COQ8A: variants seen among roughly 807,000 people sequenced by gnomAD.
COQ8A encodes the protein atypical kinase COQ8A, mitochondrial.
Under a neutral mutation model 65.0 loss-of-function variants are expected in COQ8A, and 51 were observed. The observed-to-expected ratio is 0.78, with a 90% confidence interval of 0.63 to 0.99. COQ8A has a LOEUF of 0.99. COQ8A is among the 50% of genes least tolerant of loss of function. COQ8A has a pLI of 0.00. For synonymous variants in COQ8A, 371 were observed against 353.2 expected, an observed-to-expected ratio of 1.05 and a Z score of -0.57; for missense variants, 940 against 875.0, an observed-to-expected ratio of 1.07 and a Z score of -0.94.
At chr1:226,980,143 C>T (rs1475570611) in intron 5 of COQ8A, among the ~76,000 whole-genome samples, 2 of 152,222 alleles carry the variant, frequency 1.3e-5, no homozygotes, top group African/African-American at 4.8e-5. Flanking sequence ...CTGGCACCCT[C>T]TGGACTGGAG....
chr1:226,951,788 A>C (rs1332635072), intron 1 of COQ8A, among the ~76,000 whole-genome samples: 1 of 152,164 alleles, frequency 6.6e-6, no homozygotes, highest in Non-Finnish European at 1.5e-5. Flanking sequence ...AGAAAAAAAA[A>C]AGAAAGCAGC....
At chr1:226,968,140 T>A (rs1452939209) in intron 4 of COQ8A, among the ~76,000 whole-genome samples, 1 of 152,160 alleles carries the variant, frequency 6.6e-6, no homozygotes, top group Non-Finnish European at 1.5e-5. Flanking sequence ...GAGACCAGCC[T>A]GGCCAACATG....
intron 5 of COQ8A, among the ~76,000 whole-genome samples, chr1:226,981,732 G>A (rs1202919365): frequency 6.6e-6 from 1 of 152,164 alleles, no homozygotes; most frequent in African/African-American, 2.4e-5. Context: ...GCCCTGTCAC[G>A]GCCCGCCAGG....
At position 226,982,957 on chromosome 1, in the gene COQ8A, C is replaced by T. The variant is rs1487879565; in HGVS notation, c.1003C>T (p.Pro335Ser). Residue 335 changes from proline (P) to serine (S), a missense_variant, in exon 8 of 15, where the codon CCC (proline) becomes TCC (serine). Coordinates refer to ENST00000366777, the MANE Select transcript of COQ8A (RefSeq NM_020247.5). ...RDKLEYFEER[P>S]FAAASIGQVH... Reference sequence around the variant, plus strand: ...CAAGTTGGAATACTTCGAGGAGCGGCCCTTCGCCGCCGCATCCATTGGGCA... The same window carrying T: ...CAAGTTGGAATACTTCGAGGAGCGGTCCTTCGCCGCCGCATCCATTGGGCA... 3 of 1,605,270 alleles carry T rather than the reference C, an allele frequency of 1.9e-6. No homozygotes were observed. The highest frequency in any genetic ancestry group is 1.7e-5 in the Admixed American group (1 of 59,134).
chr1:226,986,407 G>A, intron 14 of COQ8A, 46 bp from the exon 15 acceptor site: 7 of 1,602,264 alleles, frequency 4.4e-6, no homozygotes, highest in Non-Finnish European at 5.9e-6. Flanking sequence ...GGCTGGTGGA[G>A]GGCTCTGGTG....
chr1:226,955,023 G>T (rs1404169861), intron 1 of COQ8A, among the ~76,000 whole-genome samples: 1 of 152,148 alleles, frequency 6.6e-6, no homozygotes. Flanking sequence ...AGCCTCTCTG[G>T]TTCCAGGAGT....
At chr1:226,947,922 C>G (rs1383788092) in intron 1 of COQ8A, among the ~76,000 whole-genome samples, 1 of 152,068 alleles carries the variant, frequency 6.6e-6, no homozygotes, top group East Asian at 1.9e-4. Context: ...AGTCTACCAC[C>G]CAGCTTGGTG....
Position 226,986,506 on chromosome 1 carries a change from C to T in COQ8A, c.1713C>T (p.Ala571=), listed in dbSNP as rs886046069. The change falls in exon 15 of 15, where the codon GCC becomes GCT. Residue 571 remains alanine, a synonymous_variant. Transcript: ENST00000366777. ...TCCTCATCCTGGGGGAGGCCTTCGCCTCTGATGAGCCTTTTGATTTTGGCA... is the reference window on the plus strand; with the variant it reads ...TCCTCATCCTGGGGGAGGCCTTCGCTTCTGATGAGCCTTTTGATTTTGGCA... ...DAILILGEAF[A]SDEPFDFGTQ... 1.9e-6 allele frequency: 3 copies of T among 1,613,654 alleles called. No homozygotes were observed. The highest frequency in any genetic ancestry group is 2.5e-6 in the Non-Finnish European group (3 of 1,180,022).
intron 4 of COQ8A, 114 bp from the exon 5 acceptor site, chr1:226,977,335 A>G (rs1248235880): frequency 3.2e-6 from 3 of 939,630 alleles, no homozygotes; most frequent in African/African-American, 3.3e-5. Context: ...TGTGGCAGCG[A>G]GGGCCCCTGG....
chr1:226,986,466 C>T lies in COQ8A; in HGVS notation c.1673C>T (p.Ala558Val), dbSNP rs748619465. Residue 558 changes from alanine to valine, a missense_variant, in exon 15 of 15, where the codon GCC becomes GTC. Transcript: ENST00000366777. The stretch of plus-strand genomic sequence containing the variant: ...CTCTTGCCCCAGGTCATGGAAGACG[C>T]CCACTTGGATGCCATCCTCATCCTG... ...TGYEVKVMED[A>V]HLDAILILGE... is the part of the protein sequence containing the mutation. 6.2e-7 allele frequency: 1 copy of T among 1,612,718 alleles called. No homozygotes were observed. The highest frequency in any genetic ancestry group is 1.1e-5 in the South Asian group (1 of 91,078).
intron 2 of COQ8A, among the ~76,000 whole-genome samples, chr1:226,963,538 C>T (rs1658380042): frequency 1.3e-5 from 2 of 152,208 alleles, no homozygotes; most frequent in Admixed American, 1.3e-4. Flanking sequence ...GAGGGCCCTG[C>T]CCAGGCTCCC....
rs36006006 is a variant in COQ8A at position 226,982,965 on chromosome 1, C to G, written c.1011C>G (p.Ala337=). Residue 337 remains alanine, a synonymous_variant, in exon 8 of 15, where the codon GCC becomes GCG. Transcript: ENST00000366777. ...AATACTTCGAGGAGCGGCCCTTCGC[C>G]GCCGCATCCATTGGGCAGGTGCACT... ...KLEYFEERPF[A]AASIGQVHLA... is the part of the protein sequence containing the mutation. 10 of 1,605,032 alleles carry G rather than the reference C, an allele frequency of 6.2e-6. No homozygotes were observed. The highest frequency in any genetic ancestry group is 8.5e-6 in the Non-Finnish European group (10 of 1,176,386).
At chr1:226,947,439 G>T (rs1301462048) in intron 1 of COQ8A, among the ~76,000 whole-genome samples, 1 of 152,168 alleles carries the variant, frequency 6.6e-6, no homozygotes, top group Non-Finnish European at 1.5e-5. Flanking sequence ...ATAATAAATG[G>T]TAGCTGTTCT....
chr1:226,963,261 G>T (rs1174892989), intron 2 of COQ8A, among the ~76,000 whole-genome samples: 1 of 151,586 alleles, frequency 6.6e-6, no homozygotes, highest in Non-Finnish European at 1.5e-5. Context: ...CAGGGTGGCT[G>T]CCCGCAGTGC....
At chr1:226,944,722 AGAGAGAGAGAGAGAGAGAGAGAGAGAGT>A (rs1297579440) in intron 1 of COQ8A, among the ~76,000 whole-genome samples, 778 of 30,788 alleles carry the variant, frequency 0.025, 1 homozygote, top group East Asian at 0.041. Context: ...AGAGAGAGAG[AGAGAGAGAGAGAGAGAGAGAGAGAGAGT>A]GAGAGAGAGA....
Position 226,965,717 on chromosome 1 carries a change from GC to G in COQ8A, c.637del (p.Arg213GlyfsTer69). ...RERKVPVTRI[G>X]RLANFGGLAV... is the part of the protein sequence containing the mutation. ...CGGAAGGTGCCTGTGACGAGGATTG[GC>G]CGGCTGGCCAACTTCGGAGGTAAGG... On this transcript the variant is annotated frameshift_variant, in exon 4 of 15. Transcript: ENST00000366777. LOFTEE classifies it high-confidence loss of function. 6.2e-7 allele frequency: 1 copy of G among 1,613,926 alleles called. No homozygotes were observed.
In COQ8A at chr1:226,983,791, T is replaced by C. The variant is rs199921339; in HGVS notation, c.1193T>C (p.Leu398Pro). ...TTCCCCGAGCACCTGATCGACGTGC[T>C]GAGGCGGGAGCTGGCCCTGGAGTGT... ...GLFPEHLIDV[L>P]RRELALECDY... is the part of the protein sequence containing the mutation. The change falls in exon 10 of 15, where the codon CTG becomes CCG. Residue 398 changes from leucine to proline, a missense_variant. Leu to Pro is a moderately conservative substitution (Grantham distance 98, BLOSUM62 -3). Coordinates refer to ENST00000366777, the MANE Select transcript of COQ8A (RefSeq NM_020247.5). 27 of 1,612,832 alleles carry C rather than the reference T, an allele frequency of 1.7e-5. No homozygotes were observed. Among genetic ancestry groups the C allele is most frequent in the East Asian group, 2.2e-5 (1 of 44,880 alleles).
intron 8 of COQ8A, chr1:226,983,277 G>A (rs2148129032): frequency 2.9e-6 from 2 of 682,836 alleles, no homozygotes; most frequent in East Asian, 2.7e-5. Context: ...GGTGGGCAAG[G>A]ACAGGGGACA....
intron 1 of COQ8A, among the ~76,000 whole-genome samples, chr1:226,942,960 CAG>C (rs1656792395): frequency 6.6e-6 from 1 of 152,176 alleles, no homozygotes; most frequent in Non-Finnish European, 1.5e-5. Context: ...AACTGAAAAA[CAG>C]GGATTTCTTG....
Sources: allele counts gnomAD v4.1 joint callset (sites outside exome capture counted in the v4.1 genomes callset), GRCh38; gene constraint gnomAD v4.1.1; transcripts MANE v1.5; gene names NCBI Gene and HGNC (gene_info 2026-07-23, HGNC 2026-07-21).